The following VRK3 variants were observed in gnomAD, a reference collection of about 807,000 sequenced individuals.
The protein encoded by VRK3 is VRK serine/threonine kinase 3, also known as serine/threonine-protein kinase VRK3.
VRK3 carries 50 observed loss-of-function variants against 60.4 expected under a neutral mutation model. The observed-to-expected ratio is 0.83, with a 90% CI of 0.66 to 1.05. The LOEUF (loss-of-function observed/expected upper bound fraction) is 1.05. VRK3 is among the 50% of genes least tolerant of loss of function. The pLI is 0.00. For missense variants in VRK3, 549 were observed against 585.3 expected (o/e 0.94, Z 0.64); for synonymous variants, 246 against 227.8 (o/e 1.08, Z -0.72).
intron 7 of VRK3, among the ~76,000 whole-genome samples, chr19:49,996,433 A>T (rs2076706028): frequency 6.6e-6 from 1 of 152,128 alleles, no homozygotes; most frequent in Non-Finnish European, 1.5e-5. Context: ...ACATGACTGG[A>T]GGTGGGGTGG....
chr19:49,983,882 T>TG (rs774283650), intron 12 of VRK3, among the ~76,000 whole-genome samples: 10 of 152,130 alleles, frequency 6.6e-5, no homozygotes, highest in Non-Finnish European at 1.5e-4. Flanking sequence ...GAGGTGCATC[T>TG]GGGGGACAGT....
At chr19:49,981,780 A>G in intron 12 of VRK3, 1 of 1,042,654 alleles carries the variant, frequency 9.6e-7, no homozygotes, top group Non-Finnish European at 1.2e-6. Flanking sequence ...CACCCGTCCC[A>G]AGCACACACA....
intron 12 of VRK3, 108 bp downstream of exon 12, chr19:49,988,264 G>A (rs2123071654): frequency 2.7e-6 from 4 of 1,488,688 alleles, no homozygotes; most frequent in East Asian, 4.9e-5. Context: ...GGGCTCTGCT[G>A]GATGCCACCT....
intron 12 of VRK3, among the ~76,000 whole-genome samples, chr19:49,981,496 G>C (rs1568770351): frequency 1.3e-5 from 2 of 152,220 alleles, no homozygotes; most frequent in Non-Finnish European, 2.9e-5. Context: ...AGTGAGCCTA[G>C]ATTGAGCCAC....
intron 5 of VRK3, among the ~76,000 whole-genome samples, chr19:50,005,700 T>C (rs890745231): frequency 6.7e-6 from 1 of 149,270 alleles, no homozygotes; most frequent in African/African-American, 2.6e-5. Context: ...ATAAAAGGAG[T>C]GCGGCAGTGA....
rs2076350174 is a variant in VRK3, at chr19:49,977,482, T to G, written c.*12-698A>C. ...TTTGCCCTGGGTGAGGAAGGCACTG[T>G]GAGACACAGTGGCACTGACGACGGG... On this transcript the variant is annotated intron_variant, in intron 14 of 14. Transcript: ENST00000316763. 1.3e-5 allele frequency among the ~76,000 whole-genome samples: 2 copies of G among 152,066 alleles called. 1 individual carries two copies. Among genetic ancestry groups the G allele is most frequent in the South Asian group, 4.1e-4 (2 of 4,832 alleles).
At chr19:49,994,715 G>C (rs934467783) in intron 9 of VRK3, 99 bp downstream of exon 9, 5 of 1,051,530 alleles carry the variant, frequency 4.8e-6, no homozygotes, top group Admixed American at 2.2e-5. Context: ...GCAGCGGAGG[G>C]GGGTGGGGGC....
chr19:50,007,758 T>C lies in VRK3; in HGVS notation c.358A>G (p.Arg120Gly). ...CAGCTGGTCTTCTGAGGGCTACCCC[T>C]GGTCACCTGAGGGCTCTTCCTGGTC... ...QKTRKSPQVT[R>G]GSPQKTSCSP... Residue 120 changes from arginine (R) to glycine (G), a missense_variant, in exon 5 of 15, where the codon AGG becomes GGG. Coordinates refer to ENST00000316763, the MANE Select transcript of VRK3 (RefSeq NM_016440.4). 1 of 1,614,046 alleles carries C rather than the reference T, an allele frequency of 6.2e-7. No homozygotes were observed. The highest frequency in any genetic ancestry group is 8.5e-7 in the Non-Finnish European group (1 of 1,180,024).
intron 3 of VRK3, among the ~76,000 whole-genome samples, chr19:50,009,601 T>G (rs1359440745): frequency 6.6e-6 from 1 of 152,212 alleles, no homozygotes; most frequent in Non-Finnish European, 1.5e-5. Flanking sequence ...CTTCCAGCAC[T>G]TTGCCACTCT....
intron 3 of VRK3, chr19:50,015,604 C>T (rs755244369): frequency 1.7e-4 from 30 of 172,048 alleles, no homozygotes; most frequent in Non-Finnish European, 3.3e-4. Flanking sequence ...CCACTGTGCC[C>T]AGCCAGATTT....
At chr19:49,977,566 A>AAAAGCAGAG (rs1281984682) in intron 14 of VRK3, among the ~76,000 whole-genome samples, 4 of 152,092 alleles carry the variant, frequency 2.6e-5, no homozygotes, top group African/African-American at 9.7e-5. Context: ...GCCATGCCAG[A>AAAAGCAGAG]AAAGCAGAGA....
chr19:49,984,008 A>AGAT (rs1258926597), intron 12 of VRK3, among the ~76,000 whole-genome samples: 2 of 152,128 alleles, frequency 1.3e-5, no homozygotes, highest in Non-Finnish European at 2.9e-5. Flanking sequence ...CATTGATATG[A>AGAT]GATGATTACC....
chr19:49,987,282 C>T (rs11879661), intron 12 of VRK3, among the ~76,000 whole-genome samples: 7,960 of 152,166 alleles, frequency 0.052, 677 homozygotes, highest in African/African-American at 0.18. Context: ...CTTTTGTGCT[C>T]CGCTGTCCCT....
chr19:49,989,397 T>C (rs1030427437), intron 11 of VRK3, among the ~76,000 whole-genome samples: 6 of 152,234 alleles, frequency 3.9e-5, no homozygotes, highest in Non-Finnish European at 8.8e-5. Flanking sequence ...CAACAGATCC[T>C]GAACCCCAAC....
intron 5 of VRK3, 101 bp downstream of exon 5, chr19:50,007,468 C>T: frequency 6.5e-7 from 1 of 1,547,470 alleles, no homozygotes; most frequent in Non-Finnish European, 8.8e-7. Flanking sequence ...AGGTCTGCAG[C>T]TAGGGATGTG....
chr19:50,005,132 C>G (rs1312813103), intron 5 of VRK3, among the ~76,000 whole-genome samples: 1 of 148,958 alleles, frequency 6.7e-6, no homozygotes, highest in Non-Finnish European at 1.5e-5. Flanking sequence ...ATCATTTGAG[C>G]CAACAGCCCC....
intron 10 of VRK3, among the ~76,000 whole-genome samples, chr19:49,990,975 G>A (rs1326795745): frequency 6.6e-6 from 1 of 151,856 alleles, no homozygotes; most frequent in Non-Finnish European, 1.5e-5. Context: ...ATTTTGTACA[G>A]ATGAGGTTCC....
intron 12 of VRK3, chr19:49,986,621 A>C (rs1024881830): frequency 6.6e-6 from 1 of 152,488 alleles, no homozygotes; most frequent in East Asian, 1.9e-4. Flanking sequence ...GTTGGGAGAC[A>C]CGAAGGGAGT....
chr19:49,982,584 C>A (rs2076441976), intron 12 of VRK3, among the ~76,000 whole-genome samples: 1 of 152,204 alleles, frequency 6.6e-6, no homozygotes, highest in South Asian at 2.1e-4. Context: ...TGGTTCCACC[C>A]TAGGCTGGGA....
Sources: gnomAD v4.1 joint callset for allele counts (sites outside exome capture counted in the v4.1 genomes callset) on GRCh38, gnomAD v4.1.1 for gene constraint, MANE v1.5 for transcripts, NCBI Gene and HGNC (gene_info 2026-07-23, HGNC 2026-07-21) for gene names.